Variants in CCDC148 observed in about 807,000 individuals in gnomAD.
CCDC148 encodes coiled-coil domain-containing protein 148.
In CCDC148, 89 loss-of-function variants were observed where a neutral mutation model predicts 85.7. The ratio of observed to expected loss-of-function variants is 1.04; its 90% confidence interval spans 0.87 to 1.24. CCDC148 has a LOEUF of 1.24. Among genes scored for constraint, CCDC148 ranks in the 50% most tolerant of loss-of-function variants. The pLI is 0.00. For synonymous variants in CCDC148, 230 were observed against 213.9 expected, an observed-to-expected ratio of 1.08 and a Z score of -0.66; for missense variants, 692 against 671.7, an observed-to-expected ratio of 1.03 and a Z score of -0.33.
chr2:158,430,301 A>G (rs1402711344), intron 1 of CCDC148, among the ~76,000 whole-genome samples: 4 of 152,176 alleles, frequency 2.6e-5, no homozygotes, highest in African/African-American at 9.7e-5. Context: ...AAGCTTAAAA[A>G]CAAGCCTCAA....
rs561077425 is a variant in CCDC148, at chr2:158,343,776, G to A, written c.251+1439C>T. On this transcript the variant is annotated intron_variant, in intron 3 of 13. Coordinates refer to ENST00000283233, the MANE Select transcript of CCDC148 (RefSeq NM_138803.4). ...TATCTCCTATTGCTGTTAGCTTTTA[G>A]TTGCACCGAACACAAATTGCAATTA... Among the ~76,000 whole-genome samples, 52 of 152,172 alleles carry A rather than the reference G, an allele frequency of 3.4e-4. No individual in the cohort carries two copies. In the Middle Eastern group the frequency reaches 0.017, roughly 50 times the overall value.
intron 1 of CCDC148, among the ~76,000 whole-genome samples, chr2:158,435,242 C>A (rs1295591885): frequency 6.6e-6 from 1 of 152,136 alleles, no homozygotes; most frequent in African/African-American, 2.4e-5. Context: ...GTTGGGTTAC[C>A]CACAAAGGGA....
chr2:158,318,821 G>A (rs1480862566), intron 7 of CCDC148, among the ~76,000 whole-genome samples: 1 of 151,754 alleles, frequency 6.6e-6, no homozygotes, highest in Non-Finnish European at 1.5e-5. Context: ...CCAGGCCAGT[G>A]TGCAGTGGCG....
chr2:158,260,954 A>C (rs1028449763), intron 9 of CCDC148, among the ~76,000 whole-genome samples: 1 of 152,028 alleles, frequency 6.6e-6, no homozygotes, highest in Non-Finnish European at 1.5e-5. Flanking sequence ...AGCAATTTAC[A>C]GATGCCATCT....
chr2:158,308,330 T>G lies in CCDC148; in HGVS notation c.1110+1103A>C, dbSNP rs60997655. Reference sequence around the variant, plus strand: ...GAATACAATAACTTGTCATGGCCCCTGGCCCCTGTGTGTTTCTTATCAGCC... The same window carrying G: ...GAATACAATAACTTGTCATGGCCCCGGGCCCCTGTGTGTTTCTTATCAGCC... On this transcript the variant is annotated intron_variant, in intron 9 of 13. Coordinates refer to ENST00000283233, the MANE Select transcript of CCDC148 (RefSeq NM_138803.4). 4.7e-3 allele frequency among the ~76,000 whole-genome samples: 723 copies of G among 152,362 alleles called. 1 individual carries two copies. Among genetic ancestry groups the G allele is most frequent in the African/African-American group, 0.016 (661 of 41,598 alleles).
At chr2:158,250,647 A>C (rs1413807486) in intron 10 of CCDC148, 125 bp downstream of exon 10, 2 of 1,323,670 alleles carry the variant, frequency 1.5e-6, no homozygotes, top group Non-Finnish European at 2.0e-6. Context: ...AAAACATTCC[A>C]CTAGATCTTT....
intron 9 of CCDC148, among the ~76,000 whole-genome samples, chr2:158,304,112 AAC>A (rs1553501389): frequency 6.6e-6 from 1 of 152,112 alleles, no homozygotes; most frequent in Non-Finnish European, 1.5e-5. Context: ...TAAGTCACAA[AAC>A]ACAGTCTTGG....
intron 1 of CCDC148, among the ~76,000 whole-genome samples, chr2:158,385,566 C>T (rs188168376): frequency 1.6e-3 from 237 of 152,220 alleles, no homozygotes; most frequent in African/African-American, 5.6e-3. Context: ...TTGGTAGAAA[C>T]TTCTGGCAAT....
chr2:158,324,112 T>G (rs775414530), intron 7 of CCDC148, among the ~76,000 whole-genome samples: 4 of 151,820 alleles, frequency 2.6e-5, no homozygotes, highest in Non-Finnish European at 4.4e-5. Context: ...GAGACGGGGT[T>G]TCACCATGTT....
At chr2:158,284,310 A>G (rs1243360473) in intron 9 of CCDC148, among the ~76,000 whole-genome samples, 4 of 152,192 alleles carry the variant, frequency 2.6e-5, no homozygotes. Flanking sequence ...ATGACAGATT[A>G]GTATTTCAGA....
intron 11 of CCDC148, among the ~76,000 whole-genome samples, chr2:158,188,461 G>A (rs1005270591): frequency 6.6e-6 from 1 of 150,506 alleles, no homozygotes; most frequent in Admixed American, 6.6e-5. Context: ...GCAGTAATTA[G>A]ATACCAGAGC....
chr2:158,423,363 G>T (rs1208108363), intron 1 of CCDC148, among the ~76,000 whole-genome samples: 2 of 152,142 alleles, frequency 1.3e-5, no homozygotes, highest in African/African-American at 4.8e-5. Context: ...AAACAGCAGG[G>T]TACTGGTACT....
intron 1 of CCDC148, among the ~76,000 whole-genome samples, chr2:158,445,286 C>A (rs1390322282): frequency 6.6e-6 from 1 of 152,174 alleles, no homozygotes; most frequent in African/African-American, 2.4e-5. Flanking sequence ...ATCAAATTCT[C>A]TACATTATAG....
chr2:158,441,270 G>C (rs943007616), intron 1 of CCDC148, among the ~76,000 whole-genome samples: 3 of 151,950 alleles, frequency 2.0e-5, no homozygotes, highest in Non-Finnish European at 4.4e-5. Context: ...TGAGTCTTTG[G>C]AAAAATGGAA....
intron 2 of CCDC148, among the ~76,000 whole-genome samples, chr2:158,345,619 C>T (rs1352788264): frequency 6.6e-6 from 1 of 151,984 alleles, no homozygotes; most frequent in East Asian, 1.9e-4. Context: ...TTCATATAAC[C>T]CCAGAAAAGT....
chr2:158,355,937 C>T (rs1683608536), intron 2 of CCDC148, among the ~76,000 whole-genome samples: 2 of 133,928 alleles, frequency 1.5e-5, no homozygotes, highest in Admixed American at 7.1e-5. Flanking sequence ...ATATCTACAA[C>T]TATCTGATCT....
intron 10 of CCDC148, among the ~76,000 whole-genome samples, chr2:158,237,272 T>C (rs754438090): frequency 1.5e-4 from 23 of 152,152 alleles, no homozygotes; most frequent in Non-Finnish European, 3.4e-4. Context: ...TCTAGACTTC[T>C]AGATTCTATT....
intron 11 of CCDC148, among the ~76,000 whole-genome samples, chr2:158,197,695 C>A (rs904054125): frequency 6.6e-6 from 1 of 152,092 alleles, no homozygotes; most frequent in African/African-American, 2.4e-5. Flanking sequence ...ATGTATTAAC[C>A]TGCTATGCAT....
At chr2:158,433,140 G>A (rs1430381926) in intron 1 of CCDC148, among the ~76,000 whole-genome samples, 1 of 135,482 alleles carries the variant, frequency 7.4e-6, no homozygotes, top group African/African-American at 2.6e-5. Context: ...CACACCTGTA[G>A]TCCCAGCAAC....
Sources: allele counts gnomAD v4.1 joint callset (sites outside exome capture counted in the v4.1 genomes callset), GRCh38; gene constraint gnomAD v4.1.1; transcripts MANE v1.5; gene names NCBI Gene and HGNC (gene_info 2026-07-23, HGNC 2026-07-21).